PKP4: variants seen among roughly 807,000 people sequenced by gnomAD.
PKP4 encodes plakophilin-4.
Under a neutral mutation model 145.1 loss-of-function variants are expected in PKP4, and 90 were observed. The observed-to-expected ratio is 0.62, with a 90% CI of 0.52 to 0.74. The LOEUF (loss-of-function observed/expected upper bound fraction) is 0.74. Ranked by LOEUF, PKP4 falls within the 30% of genes least tolerant of loss-of-function variation. The probability of loss-of-function intolerance (pLI) is 0.00; values close to 1 mark genes in which losing one functional copy is unlikely to be tolerated. For synonymous variants in PKP4, 563 were observed against 577.2 expected (o/e 0.98, Z 0.35); for missense variants, 1,340 against 1,482.7 (o/e 0.90, Z 1.58).
chr2:158,624,076 GGCTT>G (rs1199971863), intron 6 of PKP4, among the ~76,000 whole-genome samples: 1 of 152,174 alleles, frequency 6.6e-6, no homozygotes, highest in Admixed American at 6.5e-5. Context: ...ACCCAAAAGA[GGCTT>G]TGACCATTCC....
chr2:158,679,972 G>A lies in PKP4; in HGVS notation c.3331-457G>A, dbSNP rs370618363. On this transcript the variant is annotated intron_variant, in intron 21 of 21. Transcript: ENST00000389759. ...AAGTAAATGTTCTAAAAGATGGTTCGGTAATTATACAATTATCCAAGGCCC... is the reference window on the plus strand; with the variant it reads ...AAGTAAATGTTCTAAAAGATGGTTCAGTAATTATACAATTATCCAAGGCCC... Among the ~76,000 whole-genome samples the A allele has an allele frequency of 1.2e-4, 19 of 152,236 alleles. No individual in the cohort carries two copies. In the South Asian group the frequency reaches 2.7e-3, roughly 22 times the overall value.
At chr2:158,615,473 A>G (rs958781950) in intron 4 of PKP4, among the ~76,000 whole-genome samples, 5 of 152,124 alleles carry the variant, frequency 3.3e-5, no homozygotes, top group Admixed American at 1.3e-4. Flanking sequence ...TTATAGGTAT[A>G]AAGTATAAAT....
rs188727608 is a variant in PKP4, at chr2:158,535,745, C to T, written c.132+2429C>T. Among the ~76,000 whole-genome samples the T allele has an allele frequency of 7.9e-5, 12 of 152,072 alleles. 1 individual carries two copies. The highest frequency in any genetic ancestry group is 5.2e-4 in the Admixed American group (8 of 15,270). Reference sequence around the variant, plus strand: ...CCATAATTATTATTTTTTTAAAAAGCGTCACTGCCATGCCGTAATGGTATC... The same window carrying T: ...CCATAATTATTATTTTTTTAAAAAGTGTCACTGCCATGCCGTAATGGTATC... On this transcript the variant is annotated intron_variant, in intron 2 of 21. Coordinates refer to ENST00000389759, the MANE Select transcript of PKP4 (RefSeq NM_003628.6).
Position 158,640,784 on chromosome 2 carries a change from A to T in PKP4, c.1695+25A>T, listed in dbSNP as rs369167399. 4.6e-5 allele frequency: 75 copies of T among 1,613,242 alleles called. No homozygotes were observed. In the African/African-American group the frequency reaches 9.5e-4, roughly 20 times the overall value. On this transcript the variant is annotated intron_variant, in intron 10 of 21. Coordinates refer to ENST00000389759, the MANE Select transcript of PKP4 (RefSeq NM_003628.6). Reference sequence around the variant, plus strand: ...GGTACAGGACATGGTGCCTGGGATGACTGGGGAAAATAATGCCTTTGCATT... The same window carrying T: ...GGTACAGGACATGGTGCCTGGGATGTCTGGGGAAAATAATGCCTTTGCATT...
chr2:158,657,153 A>G (rs2105966470), intron 11 of PKP4, among the ~76,000 whole-genome samples: 1 of 152,324 alleles, frequency 6.6e-6, no homozygotes, highest in South Asian at 2.1e-4. Context: ...GAATGCAGAG[A>G]AAAACCAGCT....
chr2:158,516,223 A>G (rs943798816), intron 1 of PKP4, among the ~76,000 whole-genome samples: 4 of 152,092 alleles, frequency 2.6e-5, no homozygotes, highest in African/African-American at 9.7e-5. Context: ...CCCACATGTA[A>G]AGTCTGATTT....
chr2:158,511,216 T>C (rs796251446), intron 1 of PKP4, among the ~76,000 whole-genome samples: 4 of 152,124 alleles, frequency 2.6e-5, no homozygotes, highest in African/African-American at 9.7e-5. Context: ...CAAAACCCCA[T>C]ATCTACTAAA....
intron 11 of PKP4, 74 bp downstream of exon 11, chr2:158,642,773 C>T: frequency 2.7e-6 from 3 of 1,100,048 alleles, no homozygotes; most frequent in South Asian, 1.7e-5. Flanking sequence ...TATAGTGGCA[C>T]TATGGAAGAG....
intron 2 of PKP4, among the ~76,000 whole-genome samples, chr2:158,553,942 G>A (rs960706568): frequency 1.8e-4 from 27 of 152,154 alleles, no homozygotes. Context: ...TCTAGTTGAT[G>A]CTGTAATGGT....
intron 2 of PKP4, among the ~76,000 whole-genome samples, chr2:158,534,640 A>G (rs1278738442): frequency 6.6e-6 from 1 of 152,168 alleles, no homozygotes; most frequent in South Asian, 2.1e-4. Flanking sequence ...AAACGTGGTA[A>G]ATTTATCAAA....
At chr2:158,676,667 G>C (rs1248559502) in intron 19 of PKP4, 72 bp from the exon 20 acceptor site, 10 of 1,566,122 alleles carry the variant, frequency 6.4e-6, no homozygotes, top group Non-Finnish European at 7.9e-6. Flanking sequence ...TTCTGGAGAG[G>C]ATTTTCCACA....
In PKP4 at chr2:158,485,812, A is replaced by G. The variant is rs192320005; in HGVS notation, c.-6+28594A>G. Among the ~76,000 whole-genome samples the G allele has an allele frequency of 4.8e-3, 735 of 152,330 alleles. 1 individual carries two copies. Among genetic ancestry groups the G allele is most frequent in the African/African-American group, 0.016 (671 of 41,584 alleles). On this transcript the variant is annotated intron_variant, in intron 1 of 21. Transcript: ENST00000389759. Reference sequence around the variant, plus strand: ...TTTTTGTTTTGTTTTTATCTCAAGTATAAGAATAGACATTAATTAGTTTAT... The same window carrying G: ...TTTTTGTTTTGTTTTTATCTCAAGTGTAAGAATAGACATTAATTAGTTTAT...
At chr2:158,489,815 G>A (rs759584104) in intron 1 of PKP4, among the ~76,000 whole-genome samples, 8 of 152,130 alleles carry the variant, frequency 5.3e-5, no homozygotes, top group Non-Finnish European at 7.4e-5. Context: ...ACATAATTAT[G>A]TCCAGCGAAA....
At chr2:158,622,836 AAATGCT>A (rs1277028225) in intron 6 of PKP4, among the ~76,000 whole-genome samples, 1 of 152,238 alleles carries the variant, frequency 6.6e-6, no homozygotes, top group Non-Finnish European at 1.5e-5. Flanking sequence ...GCTCTGGACT[AAATGCT>A]AATGGGAGTT....
At position 158,634,212 on chromosome 2, in the gene PKP4, C is replaced by G. The variant is rs975019195; in HGVS notation, c.1485C>G (p.Asn495Lys). The change falls in exon 9 of 22, where the codon AAC becomes AAG. Residue 495 changes from asparagine (N) to lysine (K), a missense_variant. Transcript: ENST00000389759. Reference protein sequence around the residue: ...IQYRVQECNYNRLQHAVPADD... With the variant: ...IQYRVQECNYKRLQHAVPADD... ...ACCGAGTGCAAGAGTGCAATTATAACAGGCTTCAGCATGCAGTGCCGGCTG... is the reference window on the plus strand; with the variant it reads ...ACCGAGTGCAAGAGTGCAATTATAAGAGGCTTCAGCATGCAGTGCCGGCTG... The G allele has an allele frequency of 1.2e-6, 2 of 1,613,978 alleles. No individual in the cohort carries two copies. The highest frequency in any genetic ancestry group is 1.7e-5 in the Admixed American group (1 of 59,986).
At chr2:158,488,066 CCACCTATATCCACAAATTT>C (rs1694429407) in intron 1 of PKP4, among the ~76,000 whole-genome samples, 1 of 152,066 alleles carries the variant, frequency 6.6e-6, no homozygotes, top group African/African-American at 2.4e-5. Context: ...TCAATCTGTT[CCACCTATATCCACAAATTT>C]ATTACTGCCA....
At chr2:158,653,388 T>G (rs554343076) in intron 11 of PKP4, among the ~76,000 whole-genome samples, 23 of 152,226 alleles carry the variant, frequency 1.5e-4, no homozygotes, top group Non-Finnish European at 2.6e-4. Context: ...AAATGTGAGC[T>G]CTTTCAAAAT....
intron 3 of PKP4, among the ~76,000 whole-genome samples, chr2:158,593,946 C>T (rs1450284226): frequency 6.6e-6 from 1 of 152,162 alleles, no homozygotes; most frequent in Non-Finnish European, 1.5e-5. Flanking sequence ...TTTTTTTCCA[C>T]ATTTTGCTGT....
chr2:158,595,080 C>T (rs933397585), intron 3 of PKP4, among the ~76,000 whole-genome samples: 7 of 152,116 alleles, frequency 4.6e-5, no homozygotes, highest in Admixed American at 2.0e-4. Context: ...TTTGTTCTGA[C>T]GTTAAGACAG....
Sources: allele counts gnomAD v4.1 joint callset (sites outside exome capture counted in the v4.1 genomes callset), GRCh38; gene constraint gnomAD v4.1.1; transcripts MANE v1.5; gene names NCBI Gene and HGNC (gene_info 2026-07-23, HGNC 2026-07-21).